NTNG1: variants seen among roughly 807,000 people sequenced by gnomAD.
The protein encoded by NTNG1 is netrin G1, also known as netrin-G1.
NTNG1 carries 16 observed loss-of-function variants against 54.0 expected under a neutral mutation model. That is an observed-to-expected ratio of 0.30 (90% CI 0.20 to 0.45). The LOEUF (loss-of-function observed/expected upper bound fraction) is 0.45. Among genes scored for constraint, NTNG1 ranks in the 20% least tolerant of loss-of-function variants. The probability of loss-of-function intolerance (pLI) is 1.00; values close to 1 mark genes in which losing one functional copy is unlikely to be tolerated. For missense variants in NTNG1, 530 were observed against 678.7 expected (o/e 0.78, Z 2.43); for synonymous variants, 255 against 263.1 (o/e 0.97, Z 0.30).
intron 7 of NTNG1, chr1:107,455,499 G>T: frequency 2.5e-6 from 1 of 401,154 alleles, no homozygotes. Context: ...CAAAGCAGCA[G>T]GCTTGTTCTT....
chr1:107,413,035 G>T (rs1412635371), intron 5 of NTNG1, among the ~76,000 whole-genome samples: 1 of 152,174 alleles, frequency 6.6e-6, no homozygotes, highest in African/African-American at 2.4e-5. Flanking sequence ...ATAGTAGGTA[G>T]TTGCTGCGAA....
chr1:107,465,783 G>A lies in NTNG1; in HGVS notation c.1391-14828G>A, dbSNP rs530709793. Among the ~76,000 whole-genome samples, 27 of 152,208 alleles carry A rather than the reference G, an allele frequency of 1.8e-4. No individual in the cohort carries two copies. The South Asian group carries it at 4.4e-3, about 25-fold the overall frequency. ...CTGATCCTGCCTCTGCTGCTCAGTCGCCAGGAGGACTTATGTAAGATCCAC... is the reference window on the plus strand; with the variant it reads ...CTGATCCTGCCTCTGCTGCTCAGTCACCAGGAGGACTTATGTAAGATCCAC... On this transcript the variant is annotated intron_variant, in intron 7 of 7. Coordinates refer to ENST00000370068, the MANE Select transcript of NTNG1 (RefSeq NM_001113226.3).
At chr1:107,377,040 T>C (rs1379271721) in intron 3 of NTNG1, among the ~76,000 whole-genome samples, 3 of 152,216 alleles carry the variant, frequency 2.0e-5, no homozygotes, top group Non-Finnish European at 4.4e-5. Context: ...GAGCCTGATA[T>C]GTGTGGCTTC....
At chr1:107,365,304 T>C (rs1190570212) in intron 3 of NTNG1, among the ~76,000 whole-genome samples, 1 of 152,164 alleles carries the variant, frequency 6.6e-6, no homozygotes, top group Non-Finnish European at 1.5e-5. Context: ...CAGCCTGTAT[T>C]AGGAACTGTC....
At position 107,395,307 on chromosome 1, in the gene NTNG1, C is replaced by T. The variant is rs758597841; in HGVS notation, c.1041C>T (p.Pro347=). 3.1e-6 allele frequency: 5 copies of T among 1,613,480 alleles called. No homozygotes were observed. Among genetic ancestry groups the T allele is most frequent in the Admixed American group, 3.3e-5 (2 of 59,968 alleles). ...GTCCAGGCTCCTATCTCCCCATCCCCAAAGGCACTGCAAATACCTGTGAGT... is the reference window on the plus strand; with the variant it reads ...GTCCAGGCTCCTATCTCCCCATCCCTAAAGGCACTGCAAATACCTGTGAGT... The part of the protein sequence containing the change: ...PWSPGSYLPI[P]KGTANTCIPS... Residue 347 remains proline, a synonymous_variant, in exon 4 of 8, where the codon CCC becomes CCT. Coordinates refer to ENST00000370068, the MANE Select transcript of NTNG1 (RefSeq NM_001113226.3).
intron 2 of NTNG1, among the ~76,000 whole-genome samples, chr1:107,192,644 A>G (rs185024124): frequency 8.8e-4 from 134 of 152,120 alleles, no homozygotes; most frequent in Non-Finnish European, 1.5e-3. Context: ...TCTTTTGCCT[A>G]TCTTGATTTT....
chr1:107,398,410 A>G (rs1467231018), intron 4 of NTNG1, among the ~76,000 whole-genome samples: 1 of 152,174 alleles, frequency 6.6e-6, no homozygotes, highest in African/African-American at 2.4e-5. Context: ...CCCACCACTC[A>G]GGGATACCAT....
chr1:107,246,026 T>C (rs1662171450), intron 2 of NTNG1, among the ~76,000 whole-genome samples: 2 of 152,108 alleles, frequency 1.3e-5, no homozygotes, highest in South Asian at 4.2e-4. Flanking sequence ...TTTGTTGCTA[T>C]AGGAGATTTT....
At chr1:107,336,924 C>G (rs1454033139) in intron 3 of NTNG1, among the ~76,000 whole-genome samples, 2 of 151,892 alleles carry the variant, frequency 1.3e-5, no homozygotes, top group African/African-American at 4.8e-5. Flanking sequence ...CAATGAAATA[C>G]CACTTCACAC....
intron 3 of NTNG1, among the ~76,000 whole-genome samples, chr1:107,365,096 A>T (rs1253656582): frequency 6.6e-6 from 1 of 152,182 alleles, no homozygotes; most frequent in Non-Finnish European, 1.5e-5. Context: ...CTAGTTAGAA[A>T]ATTTAAACTT....
rs1020053568 is a variant in NTNG1 at position 107,483,439 on chromosome 1, A to G, written c.*2599A>G. The G allele has an allele frequency of 6.6e-6, 1 of 152,244 alleles. No individual in the cohort carries two copies. Among genetic ancestry groups the G allele is most frequent in the African/African-American group, 2.4e-5 (1 of 41,462 alleles). 9.4% of individuals were successfully genotyped at this position (152,244 alleles called of 1,614,324 possible). On this transcript the variant is annotated 3_prime_UTR_variant, in exon 8 of 8. Coordinates refer to ENST00000370068, the MANE Select transcript of NTNG1 (RefSeq NM_001113226.3). ...CCTGAAGCGATGTGATCTGCTTTTAATAAAAATTCACTTTTAGGTGTACAA... is the reference window on the plus strand; with the variant it reads ...CCTGAAGCGATGTGATCTGCTTTTAGTAAAAATTCACTTTTAGGTGTACAA...
intron 2 of NTNG1, among the ~76,000 whole-genome samples, chr1:107,167,442 T>C (rs1655885569): frequency 6.6e-6 from 1 of 151,848 alleles, no homozygotes; most frequent in African/African-American, 2.4e-5. Flanking sequence ...TTTATTATAC[T>C]AATAACTTGT....
At chr1:107,152,021 C>G (rs1654607124) in intron 2 of NTNG1, among the ~76,000 whole-genome samples, 1 of 150,500 alleles carries the variant, frequency 6.6e-6, no homozygotes, top group Non-Finnish European at 1.5e-5. Flanking sequence ...CACACACATA[C>G]ATATATATAT....
At chr1:107,420,729 A>G (rs1157572970) in intron 5 of NTNG1, among the ~76,000 whole-genome samples, 2 of 152,048 alleles carry the variant, frequency 1.3e-5, no homozygotes, top group Non-Finnish European at 2.9e-5. Flanking sequence ...TGGTGAACCC[A>G]GGCAATGATA....
chr1:107,412,559 A>G (rs960259688), intron 5 of NTNG1, among the ~76,000 whole-genome samples: 4 of 152,162 alleles, frequency 2.6e-5, no homozygotes, highest in Non-Finnish European at 1.5e-5. Context: ...ATTTTTTCCA[A>G]TCCATTACAC....
At chr1:107,447,972 C>G (rs911946886) in intron 7 of NTNG1, among the ~76,000 whole-genome samples, 1 of 152,032 alleles carries the variant, frequency 6.6e-6, no homozygotes, top group Admixed American at 6.6e-5. Flanking sequence ...ATTGAAGTCC[C>G]AGTATGTGCC....
Position 107,481,510 on chromosome 1 carries a change from G to A in NTNG1, c.*670G>A, listed in dbSNP as rs1046892893. On this transcript the variant is annotated 3_prime_UTR_variant, in exon 8 of 8. Coordinates refer to ENST00000370068, the MANE Select transcript of NTNG1 (RefSeq NM_001113226.3). ...ACCCACTATACAAGAGTGGCTATAG[G>A]AAAAAAGAAAGTGTATCTATCCTTT... 4.6e-5 allele frequency: 7 copies of A among 152,384 alleles called. No individual in the cohort carries two copies. 9.4% of individuals were successfully genotyped at this position (152,384 alleles called of 1,614,324 possible). A position where few individuals can be genotyped will look rare whatever the true frequency, so the allele number is the denominator to read the frequency against.
At chr1:107,323,505 C>T (rs1240362989) in intron 2 of NTNG1, among the ~76,000 whole-genome samples, 1 of 152,138 alleles carries the variant, frequency 6.6e-6, no homozygotes, top group Non-Finnish European at 1.5e-5. Context: ...CACAGAGTAA[C>T]AAACACATCA....
chr1:107,330,308 A>T (rs911521738), intron 3 of NTNG1, among the ~76,000 whole-genome samples: 3 of 152,184 alleles, frequency 2.0e-5, no homozygotes, highest in Non-Finnish European at 2.9e-5. Flanking sequence ...GTATTAATTG[A>T]CTACAAGTGA....
Sources: allele counts gnomAD v4.1 joint callset (sites outside exome capture counted in the v4.1 genomes callset), GRCh38; gene constraint gnomAD v4.1.1; transcripts MANE v1.5; gene names NCBI Gene and HGNC (gene_info 2026-07-23, HGNC 2026-07-21).